The following TMEM163 variants were observed in gnomAD, a reference collection of about 807,000 sequenced individuals.
TMEM163 encodes the protein transmembrane protein 163.
A neutral mutation model predicts 29.3 loss-of-function variants in TMEM163; 17 were observed. The ratio of observed to expected loss-of-function variants is 0.58; its 90% CI spans 0.40 to 0.87. The LOEUF (loss-of-function observed/expected upper bound fraction) is 0.87, where lower values mean the gene tolerates loss of function less well. Ranked by LOEUF, TMEM163 falls within the 40% of genes least tolerant of loss-of-function variation. The pLI is 0.00. For missense variants in TMEM163, 303 were observed against 381.5 expected (o/e 0.79, Z 1.71); for synonymous variants, 157 against 160.6 (o/e 0.98, Z 0.17).
chr2:134,610,083 C>T (rs1682466225), intron 2 of TMEM163, among the ~76,000 whole-genome samples: 1 of 152,176 alleles, frequency 6.6e-6, no homozygotes. Flanking sequence ...AGTAAACAGG[C>T]CACAGGGCCA....
rs186446132 is a variant in TMEM163, at chr2:134,483,068, C to T, written c.556-16843G>A. On this transcript the variant is annotated intron_variant, in intron 5 of 7. Coordinates refer to ENST00000281924, the MANE Select transcript of TMEM163 (RefSeq NM_030923.5). ...GCCACAGCAAAAGGTAAGGCAGCAG[C>T]GGCCGAGGGCTACGACCAGCTCCGT... Among the ~76,000 whole-genome samples, 1,324 of 152,228 alleles carry T rather than the reference C, an allele frequency of 8.7e-3. 48 individuals carry two copies. Among genetic ancestry groups the T allele is most frequent in the Admixed American group, 0.077 (1,179 of 15,286 alleles).
chr2:134,572,611 T>C (rs1221671655), intron 2 of TMEM163, among the ~76,000 whole-genome samples: 1 of 152,218 alleles, frequency 6.6e-6, no homozygotes, highest in Admixed American at 6.5e-5. Flanking sequence ...ACAACTTGAC[T>C]GGGCCTCCAT....
chr2:134,565,949 G>A (rs576168215), intron 2 of TMEM163, among the ~76,000 whole-genome samples: 18 of 152,330 alleles, frequency 1.2e-4, no homozygotes, highest in African/African-American at 4.3e-4. Flanking sequence ...GCAGGGAGCG[G>A]TGTCAAAGAC....
At chr2:134,600,748 G>A (rs1228527702) in intron 2 of TMEM163, among the ~76,000 whole-genome samples, 2 of 152,162 alleles carry the variant, frequency 1.3e-5, no homozygotes, top group Non-Finnish European at 2.9e-5. Context: ...TCAGGTAAAG[G>A]AGGCCAGCAC....
At chr2:134,656,107 C>G (rs899987279) in intron 2 of TMEM163, among the ~76,000 whole-genome samples, 1 of 143,886 alleles carries the variant, frequency 6.9e-6, no homozygotes, top group Admixed American at 6.8e-5. Flanking sequence ...CTTTGTTTAC[C>G]TAAGCAAGCC....
chr2:134,543,957 C>T (rs754465424), intron 4 of TMEM163, among the ~76,000 whole-genome samples: 11 of 152,282 alleles, frequency 7.2e-5, no homozygotes, highest in East Asian at 1.9e-4. Context: ...TGCATTGTGA[C>T]GCTGTGTTGT....
intron 2 of TMEM163, among the ~76,000 whole-genome samples, chr2:134,603,811 G>A (rs1682288667): frequency 7.5e-6 from 1 of 133,770 alleles, no homozygotes; most frequent in South Asian, 2.9e-4. Context: ...CATCTGGTGA[G>A]TGTATATAAG....
intron 1 of TMEM163, among the ~76,000 whole-genome samples, chr2:134,717,282 G>A (rs1685057110): frequency 1.3e-5 from 2 of 152,126 alleles, no homozygotes; most frequent in Non-Finnish European, 2.9e-5. Context: ...GAGGGGCAAA[G>A]GTAATGAACA....
intron 2 of TMEM163, among the ~76,000 whole-genome samples, chr2:134,668,432 A>ATTCAAG (rs1316582723): frequency 6.6e-6 from 1 of 152,056 alleles, no homozygotes; most frequent in Admixed American, 6.6e-5. Flanking sequence ...CAGACCTCAA[A>ATTCAAG]TTCAAGTTCC....
At chr2:134,534,129 T>G (rs1435771512) in intron 4 of TMEM163, among the ~76,000 whole-genome samples, 2 of 151,980 alleles carry the variant, frequency 1.3e-5, no homozygotes, top group Admixed American at 6.6e-5. Context: ...CAGCTCAGGG[T>G]GGGCTGAATT....
intron 2 of TMEM163, among the ~76,000 whole-genome samples, chr2:134,696,176 T>C (rs1684577326): frequency 6.6e-6 from 1 of 152,162 alleles, no homozygotes; most frequent in South Asian, 2.1e-4. Context: ...AGACAGCCAA[T>C]TGTGGTGGTA....
intron 2 of TMEM163, among the ~76,000 whole-genome samples, chr2:134,582,535 C>T (rs961457175): frequency 2.6e-5 from 4 of 152,112 alleles, no homozygotes; most frequent in African/African-American, 9.7e-5. Context: ...AACCTAGTGC[C>T]GTCCCTGTTG....
chr2:134,621,898 T>A (rs1170832365), intron 2 of TMEM163, among the ~76,000 whole-genome samples: 1 of 151,386 alleles, frequency 6.6e-6, no homozygotes, highest in African/African-American at 2.4e-5. Flanking sequence ...CTCAAAAAAA[T>A]TAAAATAAAA....
rs1444756156 is a variant in TMEM163, at chr2:134,470,117, G to A, written c.556-3892C>T. 2.0e-5 allele frequency: 3 copies of A among 152,356 alleles called. No homozygotes were observed. In the East Asian group the frequency reaches 5.8e-4, roughly 29 times the overall value. The allele number at this position is 152,356 out of a possible 1,614,324, so 9.4% of individuals were successfully genotyped here. On this transcript the variant is annotated intron_variant, in intron 5 of 7. Transcript: ENST00000281924. ...TCACGCCTGTAATCCTAGCACTTTG[G>A]GAGGCTGAGGCAGGCGGATCACGAG...
chr2:134,600,811 C>T (rs886422240), intron 2 of TMEM163, among the ~76,000 whole-genome samples: 10 of 152,178 alleles, frequency 6.6e-5, no homozygotes, highest in Admixed American at 2.0e-4. Context: ...ACTGCAGCAG[C>T]TCAGTTGCCA....
At chr2:134,609,933 C>T (rs557618281) in intron 2 of TMEM163, among the ~76,000 whole-genome samples, 2 of 151,870 alleles carry the variant, frequency 1.3e-5, no homozygotes, top group East Asian at 3.9e-4. Context: ...CACAGAAGGG[C>T]TGAGGAAAGG....
At position 134,570,507 on chromosome 2, in the gene TMEM163, T is replaced by TATACATATACACATACAC. The variant is rs1477996648; in HGVS notation, c.323-18417_323-18416insGTGTATGTGTATATGTAT. ...ATATACATATACATATACATATACA[T>TATACATATACACATACAC]ATACATATACATATACAACATAGTC... On this transcript the variant is annotated intron_variant, in intron 2 of 7. Transcript: ENST00000281924. 2.3e-3 allele frequency among the ~76,000 whole-genome samples: 296 copies of TATACATATACACATACAC among 127,158 alleles called. 2 individuals carry two copies. The highest frequency in any genetic ancestry group is 8.4e-3 in the African/African-American group (282 of 33,770). The allele number at this position is 127,158 out of a possible 152,430, so 83.4% of individuals were successfully genotyped here.
chr2:134,626,373 G>A (rs575592392), intron 2 of TMEM163, among the ~76,000 whole-genome samples: 1 of 152,178 alleles, frequency 6.6e-6, no homozygotes, highest in Admixed American at 6.5e-5. Flanking sequence ...CCAAAGTGCT[G>A]GGATTACAGG....
At chr2:134,672,783 C>A (rs1574328442) in intron 2 of TMEM163, among the ~76,000 whole-genome samples, 1 of 152,118 alleles carries the variant, frequency 6.6e-6, no homozygotes, top group East Asian at 1.9e-4. Flanking sequence ...ATCCAGAATG[C>A]CACCAATTAC....
Sources: allele counts gnomAD v4.1 joint callset (sites outside exome capture counted in the v4.1 genomes callset), GRCh38; gene constraint gnomAD v4.1.1; transcripts MANE v1.5; gene names NCBI Gene and HGNC (gene_info 2026-07-23, HGNC 2026-07-21).